The following STEAP3 variants were observed in gnomAD, a reference collection of about 807,000 sequenced individuals.
STEAP3 encodes STEAP3 metalloreductase.
In STEAP3, 35 loss-of-function variants were observed where a neutral mutation model predicts 34.9. The observed-to-expected ratio is 1.00, with a 90% CI of 0.76 to 1.33. The LOEUF (loss-of-function observed/expected upper bound fraction) is 1.33, where lower values mean the gene tolerates loss of function less well. Among genes scored for constraint, STEAP3 ranks in the 40% most tolerant of loss-of-function variants. The probability of loss-of-function intolerance (pLI) is 0.00; values close to 1 mark genes in which losing one functional copy is unlikely to be tolerated. For missense variants in STEAP3, 652 were observed against 667.6 expected, an observed-to-expected ratio of 0.98 and a Z score of 0.26; for synonymous variants, 281 against 301.6, an observed-to-expected ratio of 0.93 and a Z score of 0.71.
At position 119,247,889 on chromosome 2, in the gene STEAP3, G is replaced by A. The variant is rs570965143; in HGVS notation, c.733G>A (p.Val245Ile). 5.3e-5 allele frequency: 85 copies of A among 1,613,872 alleles called. No homozygotes were observed. In the South Asian group the frequency reaches 7.4e-4, roughly 14 times the overall value. Reference sequence around the variant, plus strand: ...CTATGCCTACAACTTCGTCCGGGACGTTCTGCAGCCCTATGTGCAGGAAAG... The same window carrying A: ...CTATGCCTACAACTTCGTCCGGGACATTCTGCAGCCCTATGTGCAGGAAAG... ...CFYAYNFVRD[V>I]LQPYVQESQN... The change falls in exon 4 of 6, where the codon GTT (valine) becomes ATT (isoleucine). Residue 245 changes from valine to isoleucine, a missense_variant. By Grantham distance (29) the Val-to-Ile change is conservative. Coordinates refer to ENST00000393110, the MANE Select transcript of STEAP3 (RefSeq NM_182915.3).
At chr2:119,230,347 G>C (rs1234769173) in intron 1 of STEAP3, among the ~76,000 whole-genome samples, 1 of 152,160 alleles carries the variant, frequency 6.6e-6, no homozygotes, top group East Asian at 1.9e-4. Context: ...GCTGTCATCT[G>C]TTTGTGGGTC....
At chr2:119,236,080 G>A (rs1267976259) in intron 2 of STEAP3, among the ~76,000 whole-genome samples, 1 of 152,142 alleles carries the variant, frequency 6.6e-6, no homozygotes, top group African/African-American at 2.4e-5. Context: ...TGTACCTCCA[G>A]GCCATTATCT....
In STEAP3 at chr2:119,258,100, T is replaced by A. The variant is rs190574812; in HGVS notation, c.1215+3252T>A. On this transcript the variant is annotated intron_variant, in intron 5 of 5. Transcript: ENST00000393110. ...GAGTTTTCCAGGAAAGGGATGGCAA[T>A]TCCCAGAACTAAGGGTTCCTTACCT... Among the ~76,000 whole-genome samples, 6 of 152,268 alleles carry A rather than the reference T, an allele frequency of 3.9e-5. No individual in the cohort carries two copies. The East Asian group carries it at 1.2e-3, about 29-fold the overall frequency.
chr2:119,263,123 G>A lies in STEAP3; in HGVS notation c.1282G>A (p.Ala428Thr), dbSNP rs376692800. ...LHTLTYGWTR[A>T]FEESRYKFYL... ...CACGCTCACCTACGGCTGGACCCGC[G>A]CCTTCGAGGAGAGCCGCTACAAGTT... Residue 428 changes from alanine (A) to threonine (T), a missense_variant, in exon 6 of 6, where the codon GCC becomes ACC. By Grantham distance (58) the Ala-to-Thr change is moderately conservative. Transcript: ENST00000393110. 2.6e-5 allele frequency: 42 copies of A among 1,613,058 alleles called. No individual in the cohort carries two copies. The highest frequency in any genetic ancestry group is 3.3e-5 in the Admixed American group (2 of 60,006).
At chr2:119,257,665 A>G (rs1677815836) in intron 5 of STEAP3, 2 of 1,433,694 alleles carry the variant, frequency 1.4e-6, no homozygotes, top group South Asian at 3.1e-5. Context: ...GCGTGCAGCC[A>G]ACAGTGGCAT....
Position 119,245,780 on chromosome 2 carries a change from A to G in STEAP3, c.314A>G (p.His105Arg), listed in dbSNP as rs1474668299. ...ATCTTTGTGGCTGTGTTCCGGGAGC[A>G]CTACTCTTCACTGTGCAGTCTCAGT... ...EVIFVAVFRE[H>R]YSSLCSLSDQ... is the part of the protein sequence containing the mutation. Residue 105 changes from histidine (H) to arginine (R), a missense_variant, in exon 3 of 6, where the codon CAC (histidine) becomes CGC (arginine). Transcript: ENST00000393110. 1 of 1,614,208 alleles carries G rather than the reference A, an allele frequency of 6.2e-7. No individual in the cohort carries two copies. The highest frequency in any genetic ancestry group is 1.1e-5 in the South Asian group (1 of 91,080).
In STEAP3 at chr2:119,263,284, C is replaced by T. The variant is rs1457137787; in HGVS notation, c.1443C>T (p.Ile481=). Residue 481 remains isoleucine (I), a synonymous_variant, in exon 6 of 6, where the codon ATC becomes ATT. Transcript: ENST00000393110. ...IRRGWEREST[I]KFTLPTDHAL... ...GAGGCTGGGAGAGGGAGAGCACCATCAAGTTCACGCTGCCCACAGACCACG... is the reference window on the plus strand; with the variant it reads ...GAGGCTGGGAGAGGGAGAGCACCATTAAGTTCACGCTGCCCACAGACCACG... 1.2e-6 allele frequency: 2 copies of T among 1,613,860 alleles called. No homozygotes were observed. Among genetic ancestry groups the T allele is most frequent in the Non-Finnish European group, 1.7e-6 (2 of 1,180,012 alleles).
intron 1 of STEAP3, among the ~76,000 whole-genome samples, chr2:119,228,487 C>T (rs999976629): frequency 4.6e-5 from 7 of 152,198 alleles, no homozygotes; most frequent in African/African-American, 7.2e-5. Context: ...AGAGCAGCTG[C>T]GGGAAGTGAC....
chr2:119,227,201 G>A lies in STEAP3; in HGVS notation c.-394+3313G>A, dbSNP rs189011820. On this transcript the variant is annotated intron_variant, in intron 1 of 5. Coordinates refer to ENST00000393110, the MANE Select transcript of STEAP3 (RefSeq NM_182915.3). Reference sequence around the variant, plus strand: ...ACCTATAGCTCATGTGAGTGAGCAAGGATGCAAAACCAAAGACACCCGCTC... The same window carrying A: ...ACCTATAGCTCATGTGAGTGAGCAAAGATGCAAAACCAAAGACACCCGCTC... Among the ~76,000 whole-genome samples the A allele has an allele frequency of 2.0e-5, 3 of 152,226 alleles. No individual in the cohort carries two copies. The East Asian group carries it at 5.8e-4, about 29-fold the overall frequency.
chr2:119,231,001 C>T lies in STEAP3; in HGVS notation c.-12C>T, dbSNP rs1345906611. On this transcript the variant is annotated 5_prime_UTR_variant, in exon 2 of 6. Coordinates refer to ENST00000393110, the MANE Select transcript of STEAP3 (RefSeq NM_182915.3). ...GAGTGACCTGAGAGCCTCAGACCCT[C>T]ACGTCAGCCGGATGTCGCACCAGCC... 3.7e-6 allele frequency: 6 copies of T among 1,614,212 alleles called. No homozygotes were observed. In the Admixed American group the frequency reaches 1.0e-4, roughly 27 times the overall value.
rs192949704 is a variant in STEAP3 at position 119,248,134 on chromosome 2, C to T, written c.978C>T (p.His326=). The T allele has an allele frequency of 3.3e-4, 533 of 1,608,654 alleles. No individual in the cohort carries two copies. Among genetic ancestry groups the T allele is most frequent in the Non-Finnish European group, 3.8e-4 (452 of 1,179,846 alleles). ...GLLSFFCAAL[H]ALYSFCLPLR... ...TCAGCTTCTTCTGCGCCGCCCTGCA[C>T]GCCCTCTACAGCTTCTGCTTGCCGC... Residue 326 remains histidine (H), a synonymous_variant, in exon 4 of 6, where the codon CAC becomes CAT. Coordinates refer to ENST00000393110, the MANE Select transcript of STEAP3 (RefSeq NM_182915.3).
intron 2 of STEAP3, among the ~76,000 whole-genome samples, chr2:119,243,174 C>T (rs560107957): frequency 1.3e-5 from 2 of 152,314 alleles, no homozygotes; most frequent in Non-Finnish European, 2.9e-5. Context: ...ACAGGCAGGG[C>T]CATGTTTCAA....
chr2:119,263,171 C>G lies in STEAP3; in HGVS notation c.1330C>G (p.Leu444Val). ...YKFYLPPTFTLTLLVPCVVIL... is the reference protein window; with the variant it reads ...YKFYLPPTFTVTLLVPCVVIL... ...GTTCTACCTGCCTCCCACCTTCACG[C>G]TCACGCTGCTGGTGCCCTGCGTCGT... The change falls in exon 6 of 6, where the codon CTC becomes GTC. Residue 444 changes from leucine (L) to valine (V), a missense_variant. Physicochemically the swap from Leu to Val is conservative, Grantham distance 32 (BLOSUM62 1). Transcript: ENST00000393110. 5 of 1,614,210 alleles carry G rather than the reference C, an allele frequency of 3.1e-6. No homozygotes were observed. The highest frequency in any genetic ancestry group is 1.6e-4 in the Middle Eastern group (1 of 6,062).
chr2:119,232,620 G>A (rs115427305), intron 2 of STEAP3, among the ~76,000 whole-genome samples: 92 of 152,328 alleles, frequency 6.0e-4, no homozygotes, highest in African/African-American at 2.1e-3. Context: ...TAAAATGTGC[G>A]CTGCTTTTGA....
At position 119,247,979 on chromosome 2, in the gene STEAP3, G is replaced by A. The variant is rs143465406; in HGVS notation, c.823G>A (p.Val275Met). The change falls in exon 4 of 6, where the codon GTG becomes ATG. Residue 275 changes from valine to methionine, a missense_variant. Coordinates refer to ENST00000393110, the MANE Select transcript of STEAP3 (RefSeq NM_182915.3). The part of the protein sequence containing the change: ...VNTTLPCVAY[V>M]LLSLVYLPGV... ...CACCACACTGCCGTGCGTGGCCTACGTGCTGCTGTCACTCGTGTACTTGCC... is the reference window on the plus strand; with the variant it reads ...CACCACACTGCCGTGCGTGGCCTACATGCTGCTGTCACTCGTGTACTTGCC... The A allele has an allele frequency of 3.7e-5, 59 of 1,612,828 alleles. No individual in the cohort carries two copies. Among genetic ancestry groups the A allele is most frequent in the African/African-American group, 1.9e-4 (14 of 75,064 alleles).
chr2:119,231,633 C>T (rs80050966), intron 2 of STEAP3, among the ~76,000 whole-genome samples: 3,502 of 152,086 alleles, frequency 0.023, 132 homozygotes, highest in African/African-American at 0.08. Context: ...GAAACTTGCG[C>T]GCACGTGTAT....
intron 2 of STEAP3, among the ~76,000 whole-genome samples, chr2:119,239,210 C>T (rs838091): frequency 4.6e-5 from 7 of 152,100 alleles, no homozygotes; most frequent in African/African-American, 1.7e-4. Flanking sequence ...CAGGTCCTTC[C>T]TCTTTCCCTC....
At chr2:119,239,607 C>T (rs964823013) in intron 2 of STEAP3, among the ~76,000 whole-genome samples, 2 of 152,170 alleles carry the variant, frequency 1.3e-5, no homozygotes, top group Non-Finnish European at 2.9e-5. Flanking sequence ...TCTTGGGCCC[C>T]GTTTGCTCAA....
intron 4 of STEAP3, among the ~76,000 whole-genome samples, chr2:119,251,616 C>T (rs1677628591): frequency 6.6e-6 from 1 of 152,202 alleles, no homozygotes; most frequent in African/African-American, 2.4e-5. Flanking sequence ...CTGAAACTCT[C>T]ATCTGACCAT....
Sources: allele counts gnomAD v4.1 joint callset (sites outside exome capture counted in the v4.1 genomes callset), GRCh38; gene constraint gnomAD v4.1.1; transcripts MANE v1.5; gene names NCBI Gene and HGNC (gene_info 2026-07-23, HGNC 2026-07-21).